COL21A1: variants seen among roughly 807,000 people sequenced by gnomAD.
COL21A1 encodes collagen type XXI alpha 1 chain, also known as collagen alpha-1(XXI) chain.
Under a neutral mutation model 137.9 loss-of-function variants are expected in COL21A1, and 149 were observed. That is an observed-to-expected ratio of 1.08 (90% CI 0.95 to 1.24). The LOEUF (loss-of-function observed/expected upper bound fraction) is 1.24. Among genes scored for constraint, COL21A1 ranks in the 50% most tolerant of loss-of-function variants. COL21A1 has a pLI of 0.00. For synonymous variants in COL21A1, 456 were observed against 391.5 expected (o/e 1.16, Z -1.95); for missense variants, 1,167 against 1,158.4 (o/e 1.01, Z -0.11).
chr6:56,245,527 G>T (rs953640477), intron 1 of COL21A1, among the ~76,000 whole-genome samples: 6 of 152,174 alleles, frequency 3.9e-5, no homozygotes, highest in Non-Finnish European at 8.8e-5. Flanking sequence ...TTGTTTGATG[G>T]TGTGTATACA....
intron 1 of COL21A1, among the ~76,000 whole-genome samples, chr6:56,311,374 G>A (rs763140165): frequency 6.6e-6 from 1 of 152,168 alleles, no homozygotes; most frequent in African/African-American, 2.4e-5. Flanking sequence ...AGGCAGTACC[G>A]CCCTAATTAT....
Position 56,062,296 on chromosome 6 carries a change from G to A in COL21A1, c.2173-615C>T, listed in dbSNP as rs182556314. On this transcript the variant is annotated intron_variant, in intron 24 of 29. Transcript: ENST00000244728. Reference sequence around the variant, plus strand: ...TATAAACACTGGGGAGCCCATGCATGAAGCTCATTCAACTATAATTACTAG... The same window carrying A: ...TATAAACACTGGGGAGCCCATGCATAAAGCTCATTCAACTATAATTACTAG... 2.6e-3 allele frequency among the ~76,000 whole-genome samples: 399 copies of A among 152,196 alleles called. 2 individuals carry two copies. Among genetic ancestry groups the A allele is most frequent in the African/African-American group, 9.1e-3 (378 of 41,542 alleles).
At chr6:56,320,358 T>C (rs1002811867) in intron 1 of COL21A1, among the ~76,000 whole-genome samples, 2 of 152,064 alleles carry the variant, frequency 1.3e-5, no homozygotes, top group African/African-American at 4.8e-5. Context: ...CCCTCTCTGC[T>C]TCTTTCCTTG....
At chr6:56,364,180 C>T (rs1766045117) in intron 1 of COL21A1, among the ~76,000 whole-genome samples, 1 of 152,092 alleles carries the variant, frequency 6.6e-6, no homozygotes, top group Non-Finnish European at 1.5e-5. Flanking sequence ...GCCCCAGCCC[C>T]TCATTAATGT....
intron 1 of COL21A1, among the ~76,000 whole-genome samples, chr6:56,353,274 C>T (rs950240257): frequency 6.6e-6 from 1 of 152,108 alleles, no homozygotes; most frequent in African/African-American, 2.4e-5. Context: ...CTTCTGTCCA[C>T]CTTAAGACAC....
intron 1 of COL21A1, among the ~76,000 whole-genome samples, chr6:56,239,948 C>T (rs947369642): frequency 6.6e-6 from 1 of 152,100 alleles, no homozygotes; most frequent in Non-Finnish European, 1.5e-5. Context: ...GTGAGAGGGA[C>T]CTGGTGGGAG....
chr6:56,121,489 C>T (rs1455115467), intron 16 of COL21A1, among the ~76,000 whole-genome samples: 2 of 125,962 alleles, frequency 1.6e-5, no homozygotes, highest in African/African-American at 2.9e-5. Context: ...TATACATATA[C>T]ATATATATGT....
In COL21A1 at chr6:56,224,532, G is replaced by A. The variant is rs141593277; in HGVS notation, c.-39+22855C>T. On this transcript the variant is annotated intron_variant, in intron 1 of 29. Transcript: ENST00000244728. ...TCATTCTGAAACCCATATACCTTAT[G>A]TCAATAAGTGATGCTACTGAATAAT... 4.2e-3 allele frequency among the ~76,000 whole-genome samples: 635 copies of A among 152,118 alleles called. 11 individuals carry two copies. The highest frequency in any genetic ancestry group is 0.015 in the African/African-American group (607 of 41,524).
At chr6:56,307,863 T>G (rs1012527426) in intron 1 of COL21A1, among the ~76,000 whole-genome samples, 1 of 152,152 alleles carries the variant, frequency 6.6e-6, no homozygotes, top group Non-Finnish European at 1.5e-5. Context: ...CCATCTTGGC[T>G]CCACCCCCTC....
intron 16 of COL21A1, among the ~76,000 whole-genome samples, chr6:56,119,531 A>G (rs1772263581): frequency 6.6e-6 from 1 of 152,158 alleles, no homozygotes; most frequent in South Asian, 2.1e-4. Flanking sequence ...TACCAATGAC[A>G]TTCTTCAGAA....
At chr6:56,204,033 CTGGG>C (rs1779582457) in intron 1 of COL21A1, among the ~76,000 whole-genome samples, 1 of 152,116 alleles carries the variant, frequency 6.6e-6, no homozygotes, top group African/African-American at 2.4e-5. Flanking sequence ...AAGCACAAAA[CTGGG>C]TGGCCGTTTG....
At chr6:56,217,376 C>T (rs114405681) in intron 1 of COL21A1, among the ~76,000 whole-genome samples, 101 of 152,062 alleles carry the variant, frequency 6.6e-4, no homozygotes, top group African/African-American at 2.3e-3. Context: ...CCAAATGTGG[C>T]TCTCACCCTC....
chr6:56,389,416 A>G (rs2094024809), intron 1 of COL21A1, among the ~76,000 whole-genome samples: 1 of 152,092 alleles, frequency 6.6e-6, no homozygotes, highest in South Asian at 2.1e-4. Context: ...TAAAAAAAAA[A>G]AAGCATGCCT....
chr6:56,321,033 A>C (rs1764852888), intron 1 of COL21A1, among the ~76,000 whole-genome samples: 2 of 152,178 alleles, frequency 1.3e-5, no homozygotes, highest in Non-Finnish European at 2.9e-5. Context: ...GATGAAAAAA[A>C]CAAATTTTAG....
chr6:56,130,763 G>C (rs1338566814), intron 12 of COL21A1, among the ~76,000 whole-genome samples: 8 of 152,154 alleles, frequency 5.3e-5, no homozygotes, highest in Non-Finnish European at 1.0e-4. Context: ...CAGTGTGAGA[G>C]AGAGAGAAAG....
chr6:56,273,999 C>G (rs957347740), intron 1 of COL21A1, among the ~76,000 whole-genome samples: 1 of 152,108 alleles, frequency 6.6e-6, no homozygotes, highest in Admixed American at 6.6e-5. Context: ...CTATCAAACC[C>G]AACCCCAGTA....
At chr6:56,355,633 T>A (rs1003468793) in intron 1 of COL21A1, among the ~76,000 whole-genome samples, 2 of 152,356 alleles carry the variant, frequency 1.3e-5, no homozygotes, top group South Asian at 4.1e-4. Context: ...TAAGGTATGA[T>A]AATGGTATTG....
intron 1 of COL21A1, among the ~76,000 whole-genome samples, chr6:56,380,177 C>T (rs536716581): frequency 2.4e-4 from 36 of 152,184 alleles, no homozygotes; most frequent in Non-Finnish European, 4.7e-4. Context: ...CCTCCCCTCT[C>T]TCTTGCTCCC....
intron 1 of COL21A1, among the ~76,000 whole-genome samples, chr6:56,229,249 G>A (rs1035612506): frequency 6.6e-6 from 1 of 151,816 alleles, no homozygotes; most frequent in Non-Finnish European, 1.5e-5. Context: ...AGCTGAGCAT[G>A]GTGGCTCATG....
Sources: allele counts gnomAD v4.1 joint callset (sites outside exome capture counted in the v4.1 genomes callset), GRCh38; gene constraint gnomAD v4.1.1; transcripts MANE v1.5; gene names NCBI Gene and HGNC (gene_info 2026-07-23, HGNC 2026-07-21).